The following ADNP variants were observed in gnomAD, a reference collection of about 807,000 sequenced individuals.
The protein encoded by ADNP is activity dependent neuroprotector homeobox.
ADNP carries 4 observed loss-of-function variants against 84.9 expected under a neutral mutation model. The ratio of observed to expected loss-of-function variants is 0.05; its 90% CI spans 0.02 to 0.11. ADNP has a LOEUF of 0.11. ADNP is among the 10% of genes least tolerant of loss of function. The pLI, the probability that ADNP is intolerant of heterozygous loss-of-function variation, is 1.00. For missense variants in ADNP, 1,132 were observed against 1,326.0 expected, an observed-to-expected ratio of 0.85 and a Z score of 2.27; for synonymous variants, 554 against 468.1, an observed-to-expected ratio of 1.18 and a Z score of -2.37.
intron 2 of ADNP, among the ~76,000 whole-genome samples, chr20:50,926,605 A>G (rs1984304844): frequency 6.6e-6 from 1 of 152,184 alleles, no homozygotes; most frequent in African/African-American, 2.4e-5. Flanking sequence ...TCCCCAAACT[A>G]CACGTGATAC....
intron 2 of ADNP, among the ~76,000 whole-genome samples, chr20:50,921,931 A>G (rs569293656): frequency 6.6e-6 from 1 of 152,198 alleles, no homozygotes; most frequent in East Asian, 1.9e-4. Flanking sequence ...ACTTCACTCT[A>G]AACAGGTATT....
intron 3 of ADNP, 76 bp from the exon 4 acceptor site, chr20:50,904,077 GATC>G (rs1982243097): frequency 1.7e-6 from 2 of 1,170,456 alleles, no homozygotes; most frequent in Non-Finnish European, 1.2e-6. Flanking sequence ...CTGATGATAG[GATC>G]ATAAAACCTA....
At chr20:50,917,867 T>G (rs538929905) in intron 2 of ADNP, among the ~76,000 whole-genome samples, 4 of 152,174 alleles carry the variant, frequency 2.6e-5, no homozygotes, top group Admixed American at 6.5e-5. Context: ...GGGATATGAT[T>G]GAACCATGAA....
chr20:50,914,855 T>C lies in ADNP; in HGVS notation c.-89-10006A>G, dbSNP rs780578893. 4.0e-3 allele frequency among the ~76,000 whole-genome samples: 613 copies of C among 152,326 alleles called. 5 individuals are homozygous for C. The highest frequency in any genetic ancestry group is 5.9e-3 in the Non-Finnish European group (400 of 68,028). ...GGCCTATGCCAGACAGTTGTTTTTTTCCCCAACCATGAGATTTTATTTTTG... is the reference window on the plus strand; with the variant it reads ...GGCCTATGCCAGACAGTTGTTTTTTCCCCCAACCATGAGATTTTATTTTTG... On this transcript the variant is annotated intron_variant, in intron 2 of 5. Transcript: ENST00000621696.
chr20:50,914,473 A>G (rs767776721), intron 2 of ADNP: 1 of 389,994 alleles, frequency 2.6e-6, no homozygotes, highest in Non-Finnish European at 4.9e-6. Flanking sequence ...ATACTTGGGC[A>G]CAGGACATCA....
chr20:50,916,998 A>C (rs1041168081), intron 2 of ADNP, among the ~76,000 whole-genome samples: 1 of 152,238 alleles, frequency 6.6e-6, no homozygotes, highest in African/African-American at 2.4e-5. Flanking sequence ...AATCACTGAA[A>C]GAACCTAGGA....
chr20:50,906,788 G>A (rs1169376983), intron 2 of ADNP, among the ~76,000 whole-genome samples: 1 of 152,080 alleles, frequency 6.6e-6, no homozygotes, highest in African/African-American at 2.4e-5. Context: ...TTTATAAAAA[G>A]CGGTATTTCA....
chr20:50,915,111 T>A (rs557145449), intron 2 of ADNP, among the ~76,000 whole-genome samples: 2 of 152,340 alleles, frequency 1.3e-5, no homozygotes, highest in African/African-American at 4.8e-5. Flanking sequence ...ACAAAATGTA[T>A]TCTGATTTGT....
At chr20:50,925,771 G>A (rs568334503) in intron 2 of ADNP, among the ~76,000 whole-genome samples, 4 of 152,258 alleles carry the variant, frequency 2.6e-5, no homozygotes, top group South Asian at 2.1e-4. Flanking sequence ...AGCAAAATAC[G>A]GCATTTACTC....
chr20:50,918,394 G>T (rs1189676533), intron 2 of ADNP, among the ~76,000 whole-genome samples: 2 of 152,020 alleles, frequency 1.3e-5, no homozygotes, highest in African/African-American at 4.8e-5. Context: ...GCATTTTGAA[G>T]GTCTATACAA....
At chr20:50,913,079 C>T (rs1229268045) in intron 2 of ADNP, among the ~76,000 whole-genome samples, 1 of 151,498 alleles carries the variant, frequency 6.6e-6, no homozygotes, top group Admixed American at 6.6e-5. Context: ...GGCGAAACCC[C>T]ATCTCTACTA....
chr20:50,926,211 T>G (rs560798302), intron 2 of ADNP, among the ~76,000 whole-genome samples: 5 of 152,342 alleles, frequency 3.3e-5, no homozygotes, highest in African/African-American at 1.2e-4. Flanking sequence ...TATTTACACA[T>G]AGGGGAGCAA....
intron 2 of ADNP, among the ~76,000 whole-genome samples, chr20:50,921,349 A>G (rs117029947): frequency 1.6e-3 from 246 of 152,366 alleles, no homozygotes; most frequent in Non-Finnish European, 3.0e-3. Context: ...TCAGGTTTGC[A>G]TATTCTTAAC....
intron 2 of ADNP, chr20:50,913,765 T>C: frequency 4.6e-6 from 2 of 436,204 alleles, no homozygotes; most frequent in East Asian, 5.1e-5. Flanking sequence ...GTCTGCAACT[T>C]GGCCTACAGA....
chr20:50,890,846 G>A lies in ADNP; in HGVS notation c.*559C>T, dbSNP rs190861277. The stretch of plus-strand genomic sequence containing the variant: ...TTTTGCTAGGTAAACTAGATAGAGC[G>A]TTTATTACACAGCAAGGGCAACACT... On this transcript the variant is annotated 3_prime_UTR_variant, in exon 6 of 6. Transcript: ENST00000621696. 9.0e-6 allele frequency: 8 copies of A among 888,976 alleles called. No individual in the cohort carries two copies. In the Admixed American group the frequency reaches 3.7e-4, roughly 41 times the overall value. The allele number at this position is 888,976 out of a possible 1,614,324, so 55.1% of individuals were successfully genotyped here.
intron 2 of ADNP, among the ~76,000 whole-genome samples, chr20:50,919,744 G>A (rs1373525242): frequency 6.6e-6 from 1 of 152,156 alleles, no homozygotes; most frequent in Non-Finnish European, 1.5e-5. Context: ...GACTTCTGGC[G>A]CAGTTCCAGA....
At chr20:50,904,514 A>G (rs1372042007) in intron 3 of ADNP, 1 of 153,198 alleles carries the variant, frequency 6.5e-6, no homozygotes, top group African/African-American at 2.4e-5. Context: ...CACTGAGCCG[A>G]GCACATATCT....
intron 2 of ADNP, among the ~76,000 whole-genome samples, chr20:50,920,736 G>A (rs552084515): frequency 2.6e-5 from 4 of 152,196 alleles, no homozygotes; most frequent in South Asian, 2.1e-4. Context: ...AGAGTAAAAC[G>A]AGGGGAAAAG....
chr20:50,902,916 C>G (rs994735495), intron 4 of ADNP, among the ~76,000 whole-genome samples: 1 of 152,172 alleles, frequency 6.6e-6, no homozygotes, highest in Non-Finnish European at 1.5e-5. Flanking sequence ...GGGCTACTTC[C>G]ACACTTGGAA....
Sources: gnomAD v4.1 joint callset for allele counts (sites outside exome capture counted in the v4.1 genomes callset) on GRCh38, gnomAD v4.1.1 for gene constraint, MANE v1.5 for transcripts, NCBI Gene and HGNC (gene_info 2026-07-23, HGNC 2026-07-21) for gene names.